The following ATP2B1 variants were observed in gnomAD, a reference collection of about 807,000 sequenced individuals.
ATP2B1 encodes the protein ATPase plasma membrane Ca2+ transporting 1.
A neutral mutation model predicts 124.2 loss-of-function variants in ATP2B1; 14 were observed. The observed-to-expected ratio is 0.11, with a 90% confidence interval of 0.07 to 0.18. The LOEUF (loss-of-function observed/expected upper bound fraction) is 0.18, where lower values mean the gene tolerates loss of function less well. ATP2B1 is among the 10% of genes least tolerant of loss of function. ATP2B1 has a pLI of 1.00. For missense variants in ATP2B1, 763 were observed against 1,466.1 expected (o/e 0.52, Z 7.83); for synonymous variants, 449 against 492.4 (o/e 0.91, Z 1.17).
intron 20 of ATP2B1, chr12:89,594,211 A>C (rs1261419304): frequency 6.6e-6 from 1 of 152,024 alleles, no homozygotes; most frequent in Admixed American, 6.6e-5. Flanking sequence ...CTACTTATAA[A>C]GAACATAAGA....
chr12:89,659,729 T>C (rs1421498619), intron 1 of ATP2B1, among the ~76,000 whole-genome samples: 1 of 152,004 alleles, frequency 6.6e-6, no homozygotes, highest in Non-Finnish European at 1.5e-5. Flanking sequence ...AAGACCATTC[T>C]GGCTAACACG....
At chr12:89,609,388 T>G (rs1354734076) in intron 15 of ATP2B1, among the ~76,000 whole-genome samples, 1 of 152,148 alleles carries the variant, frequency 6.6e-6, no homozygotes, top group African/African-American at 2.4e-5. Flanking sequence ...GATTTGAGAA[T>G]TGTGATTATG....
At chr12:89,660,569 T>A (rs1024444021) in intron 1 of ATP2B1, among the ~76,000 whole-genome samples, 17 of 152,196 alleles carry the variant, frequency 1.1e-4, no homozygotes, top group African/African-American at 4.1e-4. Flanking sequence ...ACGTAATATC[T>A]AACAAAGGGA....
At chr12:89,693,452 A>G (rs1890763305) in intron 1 of ATP2B1, among the ~76,000 whole-genome samples, 1 of 152,236 alleles carries the variant, frequency 6.6e-6, no homozygotes, top group African/African-American at 2.4e-5. Flanking sequence ...TGGACAGGAC[A>G]GAAGAACTTC....
chr12:89,628,125 G>A (rs551978281), intron 6 of ATP2B1, among the ~76,000 whole-genome samples: 4 of 152,142 alleles, frequency 2.6e-5, no homozygotes, highest in African/African-American at 9.6e-5. Context: ...ACGGGCAGTC[G>A]GGTGTGGTGG....
At chr12:89,608,815 C>A (rs1877455112) in intron 15 of ATP2B1, among the ~76,000 whole-genome samples, 2 of 152,212 alleles carry the variant, frequency 1.3e-5, no homozygotes, top group African/African-American at 4.8e-5. Context: ...TGTTTGCCTA[C>A]AGCAAAAGGA....
chr12:89,598,862 G>C, intron 20 of ATP2B1: 1 of 1,261,362 alleles, frequency 7.9e-7, no homozygotes. Flanking sequence ...CAGCATATAG[G>C]CAAGAATAGC....
At position 89,603,587 on chromosome 12, in the gene ATP2B1, A is replaced by G; in HGVS notation, c.2848+125T>C. ...AGCACTCACTGATTAAGAAGAAATTAAAGATAAATGGGAAGTCAGGAGTAG... is the reference window on the plus strand; with the variant it reads ...AGCACTCACTGATTAAGAAGAAATTGAAGATAAATGGGAAGTCAGGAGTAG... On this transcript the variant is annotated intron_variant, in intron 17 of 20. Transcript: ENST00000428670. The surrounding 1 kb of genome is among the most constrained non-coding windows in gnomAD (Gnocchi z 4.3). 2 of 963,258 alleles carry G rather than the reference A, an allele frequency of 2.1e-6. No homozygotes were observed. The highest frequency in any genetic ancestry group is 3.1e-6 in the Non-Finnish European group (2 of 653,656). The allele number at this position is 963,258 out of a possible 1,614,324, so 59.7% of individuals were successfully genotyped here. A position where few individuals can be genotyped will look rare whatever the true frequency, so the allele number is the denominator to read the frequency against.
At chr12:89,647,220 T>C (rs1213694991) in intron 2 of ATP2B1, among the ~76,000 whole-genome samples, 6 of 152,210 alleles carry the variant, frequency 3.9e-5, no homozygotes, top group Non-Finnish European at 4.4e-5. Flanking sequence ...AGGTCATGCA[T>C]GGAATTGATC....
intron 18 of ATP2B1, 69 bp from the exon 19 acceptor site, chr12:89,601,502 T>C: frequency 1.1e-6 from 1 of 951,824 alleles, no homozygotes; most frequent in Non-Finnish European, 1.5e-6. Context: ...TAAAAAAATA[T>C]CAAATTTATG....
At chr12:89,660,616 C>T (rs2136414571) in intron 1 of ATP2B1, among the ~76,000 whole-genome samples, 1 of 152,270 alleles carries the variant, frequency 6.6e-6, no homozygotes, top group Non-Finnish European at 1.5e-5. Context: ...TGGACATACA[C>T]ACCTATTATG....
intron 1 of ATP2B1, among the ~76,000 whole-genome samples, chr12:89,662,050 C>A (rs1347636993): frequency 1.3e-5 from 2 of 151,992 alleles, no homozygotes; most frequent in Non-Finnish European, 2.9e-5. Context: ...TGGCCCATTA[C>A]ACTGAAAAGT....
intron 1 of ATP2B1, among the ~76,000 whole-genome samples, chr12:89,672,426 C>T (rs2136535370): frequency 6.6e-6 from 1 of 152,238 alleles, no homozygotes; most frequent in South Asian, 2.1e-4. Context: ...TGCACTCCAG[C>T]ATGGGTGACA....
intron 1 of ATP2B1, among the ~76,000 whole-genome samples, chr12:89,707,702 T>C (rs1365230028): frequency 1.3e-5 from 2 of 151,738 alleles, no homozygotes; most frequent in Non-Finnish European, 2.9e-5. Flanking sequence ...GCGCACAGGG[T>C]GCGAGCACTC....
chr12:89,681,197 A>G (rs1444565664), intron 1 of ATP2B1, among the ~76,000 whole-genome samples: 2 of 152,284 alleles, frequency 1.3e-5, no homozygotes, highest in Non-Finnish European at 2.9e-5. Flanking sequence ...CGTAGGAAAA[A>G]TGCACAGATA....
intron 1 of ATP2B1, among the ~76,000 whole-genome samples, chr12:89,700,567 C>A (rs1431530055): frequency 1.3e-5 from 2 of 152,100 alleles, no homozygotes. Context: ...TAGATATTAG[C>A]AAGGGAGAAT....
At chr12:89,600,318 A>G (rs1473500688) in intron 19 of ATP2B1, among the ~76,000 whole-genome samples, 1 of 152,232 alleles carries the variant, frequency 6.6e-6, no homozygotes, top group African/African-American at 2.4e-5. Flanking sequence ...ATGCCATAAT[A>G]TATATTAACC....
intron 1 of ATP2B1, among the ~76,000 whole-genome samples, chr12:89,661,157 C>A (rs1196499620): frequency 1.3e-5 from 2 of 151,440 alleles, no homozygotes; most frequent in African/African-American, 4.9e-5. Context: ...CAATGTGTAC[C>A]ATCTCATAAA....
intron 19 of ATP2B1, among the ~76,000 whole-genome samples, chr12:89,600,900 C>T (rs1057192198): frequency 6.6e-6 from 1 of 152,088 alleles, no homozygotes; most frequent in African/African-American, 2.4e-5. Context: ...CCACCCGCCT[C>T]GGCCTCCCAA....
Sources: gnomAD v4.1 joint callset for allele counts (sites outside exome capture counted in the v4.1 genomes callset) on GRCh38, gnomAD v4.1.1 for gene constraint, Gnocchi (gnomAD v3.1) non-coding constraint, MANE v1.5 for transcripts, NCBI Gene and HGNC (gene_info 2026-07-23, HGNC 2026-07-21) for gene names.